The following ZSCAN25 variants were observed in gnomAD, a reference collection of about 807,000 sequenced individuals.
ZSCAN25 encodes zinc finger and SCAN domain containing 25.
A neutral mutation model predicts 38.7 loss-of-function variants in ZSCAN25; 27 were observed. That is an observed-to-expected ratio of 0.70 (90% CI 0.51 to 0.96). The LOEUF (loss-of-function observed/expected upper bound fraction) is 0.96. ZSCAN25 is among the 40% of genes least tolerant of loss of function. The pLI is 0.00. For missense variants in ZSCAN25, 637 were observed against 705.9 expected, an observed-to-expected ratio of 0.90 and a Z score of 1.11; for synonymous variants, 273 against 277.7, an observed-to-expected ratio of 0.98 and a Z score of 0.17.
the ZSCAN25 span, chr7:99,638,554 C>T: frequency 2.6e-6 from 4 of 1,540,530 alleles, no homozygotes; most frequent in East Asian, 2.3e-5. Context: ...CGCGAGAGCG[C>T]GGATCTTGTC....
the ZSCAN25 span, chr7:99,638,379 A>G: frequency 6.9e-6 from 11 of 1,598,806 alleles, no homozygotes; most frequent in East Asian, 9.0e-5. Flanking sequence ...GTGGGGTTTC[A>G]TGGCATCGGG....
the ZSCAN25 span, chr7:99,713,680 A>T: frequency 3.7e-6 from 4 of 1,077,552 alleles, no homozygotes; most frequent in Admixed American, 4.2e-5. Context: ...GTCACCAGTG[A>T]AAAGGAATAT....
chr7:99,620,099 C>T (rs1806819344), intron 4 of ZSCAN25, 106 bp downstream of exon 4: 5 of 1,408,718 alleles, frequency 3.5e-6, no homozygotes, highest in Middle Eastern at 2.6e-4. Flanking sequence ...TGTGGAGCCG[C>T]CCTCCTCTGC....
At chr7:99,722,166 C>T in the ZSCAN25 span, 16 of 1,132,564 alleles carry the variant, frequency 1.4e-5, no homozygotes, top group South Asian at 6.8e-5. Flanking sequence ...TTTCAGAAAA[C>T]CTCTCTGTTT....
chr7:99,732,111 G>A, the ZSCAN25 span, among the ~76,000 whole-genome samples: 2 of 152,226 alleles, frequency 1.3e-5, no homozygotes, highest in African/African-American at 2.4e-5. Flanking sequence ...GTATCTTAGA[G>A]GCAGTTTCTC....
At chr7:99,658,221 AG>A in the ZSCAN25 span, among the ~76,000 whole-genome samples, 14 of 152,070 alleles carry the variant, frequency 9.2e-5, no homozygotes, top group Non-Finnish European at 1.3e-4. Flanking sequence ...GGCTGGTACC[AG>A]TTGTTCCTTT....
the ZSCAN25 span, chr7:99,671,861 G>A: frequency 1.4e-6 from 1 of 702,958 alleles, no homozygotes; most frequent in South Asian, 1.5e-5. Context: ...TCTTGATGGT[G>A]CTGGTCGTTG....
the ZSCAN25 span, among the ~76,000 whole-genome samples, chr7:99,735,942 T>G: frequency 1.3e-5 from 2 of 152,156 alleles, no homozygotes; most frequent in African/African-American, 2.4e-5. Flanking sequence ...TCCATCTTCT[T>G]AGGTCATTAA....
At chr7:99,717,249 G>A in the ZSCAN25 span, 3 of 1,613,936 alleles carry the variant, frequency 1.9e-6, no homozygotes. Context: ...TCCATACTGG[G>A]CAATGATAGG....
chr7:99,652,698 C>G, the ZSCAN25 span: 1 of 1,613,994 alleles, frequency 6.2e-7, no homozygotes, highest in Non-Finnish European at 8.5e-7. Context: ...AGTCTAATAG[C>G]AACTGGGAAT....
At chr7:99,679,360 A>G in the ZSCAN25 span, among the ~76,000 whole-genome samples, 1 of 152,096 alleles carries the variant, frequency 6.6e-6, no homozygotes, top group South Asian at 2.1e-4. Context: ...CCAGGTCTAC[A>G]GGGGCAATAC....
the ZSCAN25 span, among the ~76,000 whole-genome samples, chr7:99,701,568 G>A: frequency 1.3e-5 from 2 of 152,218 alleles, no homozygotes; most frequent in East Asian, 3.8e-4. Flanking sequence ...TACACCAACA[G>A]TGTACGAGAA....
chr7:99,683,331 TG>T, the ZSCAN25 span, among the ~76,000 whole-genome samples: 1 of 152,212 alleles, frequency 6.6e-6, no homozygotes, highest in Non-Finnish European at 1.5e-5. Flanking sequence ...AGGGAGTATA[TG>T]TTTTTTTGTA....
Position 99,631,201 on chromosome 7 carries a change from C to T in ZSCAN25, c.*1181C>T. Reference sequence around the variant, plus strand: ...GCATCTTGCCCTGAAATGCATTTGTCACCTACCTCTTGTTACTAAATGGTC... The same window carrying T: ...GCATCTTGCCCTGAAATGCATTTGTTACCTACCTCTTGTTACTAAATGGTC... On this transcript the variant is annotated 3_prime_UTR_variant, in exon 8 of 8. Transcript: ENST00000394152. 1 of 985,434 alleles carries T rather than the reference C, an allele frequency of 1.0e-6. No homozygotes were observed. Among genetic ancestry groups the T allele is most frequent in the Non-Finnish European group, 1.2e-6 (1 of 829,938 alleles). 61.0% of individuals were successfully genotyped at this position (985,434 alleles called of 1,614,324 possible). A position where few individuals can be genotyped will look rare whatever the true frequency, so the allele number is the denominator to read the frequency against.
chr7:99,666,705 A>T, the ZSCAN25 span: 1 of 1,613,936 alleles, frequency 6.2e-7, no homozygotes, highest in Non-Finnish European at 8.5e-7. Flanking sequence ...CACAAAACAG[A>T]TCAGTACCTG....
chr7:99,717,464 C>A, the ZSCAN25 span: 1 of 1,603,164 alleles, frequency 6.2e-7, no homozygotes, highest in Non-Finnish European at 8.5e-7. Context: ...ATCTTACTTT[C>A]TACCTGTCCC....
In ZSCAN25 at chr7:99,619,046, A is replaced by T. The variant is rs947885294; in HGVS notation, c.-131-2A>T. On this transcript the variant is annotated splice_acceptor_variant, in intron 2 of 7. Transcript: ENST00000394152. LOFTEE classifies it low-confidence loss of function (5UTR_SPLICE). ...AGAGCACCCTACTTATTTTCTTTCTAGAACTTGTCTCCACTTGCAGTTTTT... is the reference window on the plus strand; with the variant it reads ...AGAGCACCCTACTTATTTTCTTTCTTGAACTTGTCTCCACTTGCAGTTTTT... 2 of 151,974 alleles carry T rather than the reference A, an allele frequency of 1.3e-5. No individual in the cohort carries two copies. The highest frequency in any genetic ancestry group is 2.9e-5 in the Non-Finnish European group (2 of 68,344). 9.4% of individuals were successfully genotyped at this position (151,974 alleles called of 1,614,324 possible). A position where few individuals can be genotyped will look rare whatever the true frequency, so the allele number is the denominator to read the frequency against.
chr7:99,714,434 T>C, the ZSCAN25 span: 1 of 1,476,596 alleles, frequency 6.8e-7, no homozygotes, highest in South Asian at 1.3e-5. Flanking sequence ...GCTCTAAACA[T>C]AAGTACTCTT....
At chr7:99,679,994 A>G in the ZSCAN25 span, 1 of 982,650 alleles carries the variant, frequency 1.0e-6, no homozygotes, top group Non-Finnish European at 1.6e-6. Context: ...TGCCCTGCAC[A>G]GCAGTCTTCA....
Sources: allele counts gnomAD v4.1 joint callset (sites outside exome capture counted in the v4.1 genomes callset), GRCh38; gene constraint gnomAD v4.1.1; transcripts MANE v1.5; gene names NCBI Gene and HGNC (gene_info 2026-07-23, HGNC 2026-07-21).